The following ATP8A2 variants were observed in gnomAD, a reference collection of about 807,000 sequenced individuals.
ATP8A2 encodes phospholipid-transporting ATPase IB.
A neutral mutation model predicts 165.6 loss-of-function variants in ATP8A2; 100 were observed. The ratio of observed to expected loss-of-function variants is 0.60; its 90% confidence interval spans 0.51 to 0.71. The LOEUF (loss-of-function observed/expected upper bound fraction) is 0.71, where lower values mean the gene tolerates loss of function less well. ATP8A2 is among the 30% of genes least tolerant of loss of function. ATP8A2 has a pLI of 0.00. For missense variants in ATP8A2, 1,227 were observed against 1,479.5 expected (o/e 0.83, Z 2.80); for synonymous variants, 543 against 548.8 (o/e 0.99, Z 0.15).
chr13:25,440,011 G>A (rs578067960), intron 1 of ATP8A2, among the ~76,000 whole-genome samples: 1 of 152,266 alleles, frequency 6.6e-6, no homozygotes, highest in South Asian at 2.1e-4. Flanking sequence ...TATGAGAGAA[G>A]GTTAACAAGG....
intron 27 of ATP8A2, among the ~76,000 whole-genome samples, chr13:25,812,820 G>A (rs940252067): frequency 6.6e-5 from 10 of 152,130 alleles, no homozygotes; most frequent in Middle Eastern, 3.4e-3. Context: ...GCAAAGACAC[G>A]GAATCAACCC....
chr13:25,693,879 G>C (rs371780096), intron 24 of ATP8A2, among the ~76,000 whole-genome samples: 1 of 151,398 alleles, frequency 6.6e-6, no homozygotes, highest in Non-Finnish European at 1.5e-5. Context: ...TGTTGTTGTT[G>C]TCTGGAGATG....
intron 25 of ATP8A2, among the ~76,000 whole-genome samples, chr13:25,710,364 A>C (rs2043135573): frequency 6.6e-6 from 1 of 152,152 alleles, no homozygotes; most frequent in Admixed American, 6.5e-5. Context: ...ATCAGATCTT[A>C]TTCCTTTTAT....
chr13:25,566,046 A>T (rs942517584), intron 16 of ATP8A2, among the ~76,000 whole-genome samples: 3 of 152,282 alleles, frequency 2.0e-5, no homozygotes, highest in African/African-American at 7.2e-5. Context: ...ATTTTAAGAG[A>T]CAGATATATT....
intron 1 of ATP8A2, among the ~76,000 whole-genome samples, chr13:25,401,993 T>C (rs1418516698): frequency 2.0e-5 from 3 of 151,562 alleles, no homozygotes; most frequent in Admixed American, 6.6e-5. Flanking sequence ...AAATACAGAA[T>C]ATGGACATGA....
rs372189735 is a variant in ATP8A2 at position 25,891,246 on chromosome 13, G to A, written c.3183+28838G>A. 2.6e-5 allele frequency among the ~76,000 whole-genome samples: 4 copies of A among 152,296 alleles called. No individual in the cohort carries two copies. In the East Asian group the frequency reaches 7.7e-4, roughly 29 times the overall value. On this transcript the variant is annotated intron_variant, in intron 33 of 36. Transcript: ENST00000381655. ...TCTTTAGGGCAAAGTTACGCCACTC[G>A]AAAACGATCGTGTTGAAAGTGTGTC...
In ATP8A2 at chr13:25,800,357, A is replaced by C. The variant is rs201686949; in HGVS notation, c.2679+25398A>C. Among the ~76,000 whole-genome samples, 6 of 152,374 alleles carry C rather than the reference A, an allele frequency of 3.9e-5. No individual in the cohort carries two copies. In the East Asian group the frequency reaches 1.2e-3, roughly 29 times the overall value. On this transcript the variant is annotated intron_variant, in intron 27 of 36. Coordinates refer to ENST00000381655, the MANE Select transcript of ATP8A2 (RefSeq NM_016529.6). ...CAGGAAAGGAAATAAACACAGTTAC[A>C]TGATTATAAAACAACAAATTGGATA...
chr13:25,898,594 CT>C (rs1347298851), intron 33 of ATP8A2, among the ~76,000 whole-genome samples: 1 of 152,208 alleles, frequency 6.6e-6, no homozygotes, highest in Non-Finnish European at 1.5e-5. Context: ...TTATTGCTGT[CT>C]TTTGTTTGTC....
chr13:25,878,307 T>C (rs2138840325), intron 33 of ATP8A2, among the ~76,000 whole-genome samples: 1 of 152,184 alleles, frequency 6.6e-6, no homozygotes, highest in African/African-American at 2.4e-5. Flanking sequence ...AGTAATTCCA[T>C]GTCATCCACA....
At chr13:25,992,139 G>A (rs953988390) in intron 35 of ATP8A2, among the ~76,000 whole-genome samples, 4 of 151,180 alleles carry the variant, frequency 2.6e-5, no homozygotes, top group Admixed American at 6.6e-5. Flanking sequence ...TTTTCAGAGT[G>A]GGCATACCAT....
At chr13:25,658,336 C>G (rs2041977779) in intron 24 of ATP8A2, among the ~76,000 whole-genome samples, 1 of 152,102 alleles carries the variant, frequency 6.6e-6, no homozygotes, top group African/African-American at 2.4e-5. Flanking sequence ...TACTTCTTGA[C>G]TTTTTAAAGA....
intron 30 of ATP8A2, among the ~76,000 whole-genome samples, chr13:25,858,116 A>G (rs1216684413): frequency 6.6e-6 from 1 of 152,230 alleles, no homozygotes; most frequent in Non-Finnish European, 1.5e-5. Context: ...TGGTCTCCAT[A>G]CTAAACTGAA....
chr13:25,926,917 A>G (rs1343014789), intron 33 of ATP8A2, among the ~76,000 whole-genome samples: 3 of 152,206 alleles, frequency 2.0e-5, no homozygotes, highest in Non-Finnish European at 4.4e-5. Context: ...ATAGATTGAA[A>G]ATGACTTGGT....
chr13:25,389,565 G>C (rs1172593867), intron 1 of ATP8A2, among the ~76,000 whole-genome samples: 1 of 152,186 alleles, frequency 6.6e-6, no homozygotes, highest in African/African-American at 2.4e-5. Flanking sequence ...AGTTGTGTTT[G>C]GTAATTAATG....
At chr13:25,997,194 A>G (rs1956529503) in intron 35 of ATP8A2, among the ~76,000 whole-genome samples, 1 of 152,174 alleles carries the variant, frequency 6.6e-6, no homozygotes, top group Admixed American at 6.5e-5. Flanking sequence ...CCTTCCATTC[A>G]AGAGATTTCT....
At chr13:25,407,445 A>G (rs952844457) in intron 1 of ATP8A2, among the ~76,000 whole-genome samples, 8 of 152,222 alleles carry the variant, frequency 5.3e-5, no homozygotes, top group Non-Finnish European at 8.8e-5. Flanking sequence ...GGAAAGTGCA[A>G]TTTGCATCAG....
intron 33 of ATP8A2, among the ~76,000 whole-genome samples, chr13:25,908,420 C>A (rs1240408959): frequency 6.6e-6 from 1 of 152,246 alleles, no homozygotes; most frequent in Non-Finnish European, 1.5e-5. Flanking sequence ...TGGATACTTT[C>A]ATCTTTGCAA....
At chr13:25,648,984 G>C in intron 24 of ATP8A2, 1 of 495,062 alleles carries the variant, frequency 2.0e-6, no homozygotes. Flanking sequence ...TAAATTTTTT[G>C]TCATCATTTT....
chr13:25,913,918 T>A (rs1364576261), intron 33 of ATP8A2, among the ~76,000 whole-genome samples: 1 of 152,142 alleles, frequency 6.6e-6, no homozygotes. Flanking sequence ...CTCTGAGCCC[T>A]TGGGTGGTTT....
Sources: allele counts gnomAD v4.1 joint callset (sites outside exome capture counted in the v4.1 genomes callset), GRCh38; gene constraint gnomAD v4.1.1; transcripts MANE v1.5; gene names NCBI Gene and HGNC (gene_info 2026-07-23, HGNC 2026-07-21).